The following GRXCR2 variants were observed in gnomAD, a reference collection of about 807,000 sequenced individuals.
GRXCR2 encodes the protein glutaredoxin domain-containing cysteine-rich protein 2.
GRXCR2 carries 23 observed loss-of-function variants against 24.8 expected under a neutral mutation model. The observed-to-expected ratio is 0.93, with a 90% CI of 0.67 to 1.32. The LOEUF (loss-of-function observed/expected upper bound fraction) is 1.32. Ranked by LOEUF, GRXCR2 falls within the 40% of genes most tolerant of loss-of-function variation. The pLI is 0.00. For missense variants in GRXCR2, 315 were observed against 303.4 expected (o/e 1.04, Z -0.28); for synonymous variants, 130 against 116.1 (o/e 1.12, Z -0.77).
intron 2 of GRXCR2, among the ~76,000 whole-genome samples, chr5:145,899,617 C>A (rs1026038065): frequency 6.6e-6 from 1 of 152,058 alleles, no homozygotes. Context: ...CGTCTACAGC[C>A]ATCTAATAAT....
At position 145,895,958 on chromosome 5, in the gene GRXCR2, A is replaced by T. The variant is rs1043581276; in HGVS notation, c.-69-29230T>A. 4.6e-5 allele frequency among the ~76,000 whole-genome samples: 7 copies of T among 152,330 alleles called. No homozygotes were observed. In the South Asian group the frequency reaches 1.4e-3, roughly 32 times the overall value. On this transcript the variant is annotated intron_variant, in intron 2 of 3. Coordinates refer to the GRXCR2 transcript ENST00000639411. ...GATATAGAACAATGGAACAGAACAG[A>T]GCCCTCAGAAATAATGTCGCATATC... is the stretch of plus-strand genomic sequence containing the variant.
At chr5:145,895,814 G>A (rs1756940491) in intron 2 of GRXCR2, among the ~76,000 whole-genome samples, 1 of 152,090 alleles carries the variant, frequency 6.6e-6, no homozygotes, top group Non-Finnish European at 1.5e-5. Flanking sequence ...AAAAGAGCCT[G>A]CATTGCCAAG....
At chr5:145,879,082 C>G (rs1756660608) in intron 2 of GRXCR2, among the ~76,000 whole-genome samples, 1 of 152,116 alleles carries the variant, frequency 6.6e-6, no homozygotes, top group African/African-American at 2.4e-5. Context: ...CCAGCCCCTG[C>G]AAAAACATGC....
chr5:145,919,728 G>A (rs1379528512), intron 2 of GRXCR2, among the ~76,000 whole-genome samples: 1 of 152,008 alleles, frequency 6.6e-6, no homozygotes, highest in Non-Finnish European at 1.5e-5. Flanking sequence ...CTAAAATAAG[G>A]GTCAGGGCCT....
chr5:145,907,444 G>T (rs780557789), intron 2 of GRXCR2, among the ~76,000 whole-genome samples: 1 of 151,948 alleles, frequency 6.6e-6, no homozygotes, highest in Admixed American at 6.6e-5. Context: ...CAGGAGAATC[G>T]CTGGAACCCA....
At chr5:145,903,479 G>C (rs1388811112) in intron 2 of GRXCR2, among the ~76,000 whole-genome samples, 1 of 151,552 alleles carries the variant, frequency 6.6e-6, no homozygotes, top group African/African-American at 2.4e-5. Flanking sequence ...AGCTGCCACT[G>C]AAGTCACCAA....
rs1303573215 is a variant in GRXCR2 at position 145,859,669 on chromosome 5, G to A, written c.*64C>T. The A allele has an allele frequency of 3.3e-6, 5 of 1,494,816 alleles. No homozygotes were observed. Among genetic ancestry groups the A allele is most frequent in the African/African-American group, 1.4e-5 (1 of 72,734 alleles). The allele number at this position is 1,494,816 out of a possible 1,614,324, so 92.6% of individuals were successfully genotyped here. On this transcript the variant is annotated 3_prime_UTR_variant, in exon 3 of 3. Transcript: ENST00000377976. ...TGGGAGAGGCAGGAGGAGGAGAAGGGGGCGGTTTATTAGAAATAACTTTAG... is the reference window on the plus strand; with the variant it reads ...TGGGAGAGGCAGGAGGAGGAGAAGGAGGCGGTTTATTAGAAATAACTTTAG...
chr5:145,896,948 G>A (rs1360628189), intron 2 of GRXCR2, among the ~76,000 whole-genome samples: 1 of 152,088 alleles, frequency 6.6e-6, no homozygotes, highest in Non-Finnish European at 1.5e-5. Context: ...GGAATACTAT[G>A]CAGCCATAAA....
intron 2 of GRXCR2, among the ~76,000 whole-genome samples, chr5:145,921,305 GC>G (rs1489083214): frequency 6.6e-6 from 1 of 152,116 alleles, no homozygotes; most frequent in Non-Finnish European, 1.5e-5. Flanking sequence ...TGGCAAAAAG[GC>G]CAGGAAACCA....
chr5:145,904,912 G>T (rs1757069957), intron 2 of GRXCR2, among the ~76,000 whole-genome samples: 1 of 152,146 alleles, frequency 6.6e-6, no homozygotes, highest in African/African-American at 2.4e-5. Flanking sequence ...CCCCTCCGTG[G>T]CTTGGGCTTT....
intron 2 of GRXCR2, among the ~76,000 whole-genome samples, chr5:145,902,601 T>G (rs1413224832): frequency 6.6e-6 from 1 of 152,194 alleles, no homozygotes; most frequent in Admixed American, 6.5e-5. Context: ...GGGGTAGATG[T>G]GTGCTCAAGA....
chr5:145,876,721 A>C (rs1174535652), upstream of GRXCR2, among the ~76,000 whole-genome samples: 1 of 152,198 alleles, frequency 6.6e-6, no homozygotes, highest in East Asian at 1.9e-4. Flanking sequence ...ACAGATTTTC[A>C]GTGAGCCAAC....
intron 2 of GRXCR2, among the ~76,000 whole-genome samples, chr5:145,900,822 A>G (rs1757014299): frequency 6.6e-6 from 1 of 152,200 alleles, no homozygotes. Flanking sequence ...TCATTCTACC[A>G]AAAGACACAT....
At chr5:145,931,627 G>T (rs1757479312) in intron 2 of GRXCR2, among the ~76,000 whole-genome samples, 1 of 152,116 alleles carries the variant, frequency 6.6e-6, no homozygotes, top group Non-Finnish European at 1.5e-5. Flanking sequence ...TTCTGCTGTT[G>T]TCCTCCAGTC....
intron 1 of GRXCR2, among the ~76,000 whole-genome samples, chr5:145,871,533 A>T (rs1293292697): frequency 1.3e-5 from 2 of 151,882 alleles, no homozygotes; most frequent in African/African-American, 4.9e-5. Context: ...ATAGATATAG[A>T]CAGAGATAGT....
At chr5:145,914,891 T>G (rs1456622628) in intron 2 of GRXCR2, among the ~76,000 whole-genome samples, 1 of 152,144 alleles carries the variant, frequency 6.6e-6, no homozygotes, top group African/African-American at 2.4e-5. Flanking sequence ...ACAATGGAGC[T>G]TTTTACTTCC....
chr5:145,859,516 A>G lies in GRXCR2; in HGVS notation c.*217T>C. The G allele has an allele frequency of 3.4e-6, 2 of 587,384 alleles. No homozygotes were observed. Among genetic ancestry groups the G allele is most frequent in the South Asian group, 4.1e-5 (2 of 48,468 alleles). The allele number at this position is 587,384 out of a possible 1,614,324, so 36.4% of individuals were successfully genotyped here. A position where few individuals can be genotyped will look rare whatever the true frequency, so the allele number is the denominator to read the frequency against. The stretch of plus-strand genomic sequence containing the variant: ...ATAATTTTAGAACCAGTTTCAAAGC[A>G]GACTATAATTCAGAAATGCCCCTGC... On this transcript the variant is annotated 3_prime_UTR_variant, in exon 3 of 3. Transcript: ENST00000377976.
intron 1 of GRXCR2, among the ~76,000 whole-genome samples, chr5:145,869,545 TTCTCTC>T (rs1214243096): frequency 6.8e-6 from 1 of 146,980 alleles, no homozygotes; most frequent in Admixed American, 6.9e-5. Flanking sequence ...AAGAGCTTCT[TTCTCTC>T]TCTCTCTCTT....
intron 2 of GRXCR2, among the ~76,000 whole-genome samples, chr5:145,911,377 G>A (rs1041024497): frequency 1.3e-5 from 2 of 152,220 alleles, no homozygotes; most frequent in Non-Finnish European, 2.9e-5. Flanking sequence ...CAGGGCAGCT[G>A]CAGTTGCAGC....
Sources: allele counts gnomAD v4.1 joint callset (sites outside exome capture counted in the v4.1 genomes callset), GRCh38; gene constraint gnomAD v4.1.1; transcripts MANE v1.5; gene names NCBI Gene and HGNC (gene_info 2026-07-23, HGNC 2026-07-21).